Variants in APLF observed in about 807,000 individuals in gnomAD.
APLF encodes aprataxin and PNK-like factor.
In APLF, 61 loss-of-function variants were observed where a neutral mutation model predicts 55.6. The observed-to-expected ratio is 1.10, with a 90% confidence interval of 0.89 to 1.36. APLF has a LOEUF of 1.36. Among genes scored for constraint, APLF ranks in the 40% most tolerant of loss-of-function variants. The pLI, the probability that APLF is intolerant of heterozygous loss-of-function variation, is 0.00. For synonymous variants in APLF, 207 were observed against 214.8 expected (o/e 0.96, Z 0.32); for missense variants, 611 against 602.5 (o/e 1.01, Z -0.15).
At position 68,478,711 on chromosome 2, in the gene APLF, C is replaced by T. The variant is rs192903091; in HGVS notation, c.96+10884C>T. 9.0e-4 allele frequency among the ~76,000 whole-genome samples: 136 copies of T among 151,884 alleles called. 1 individual carries two copies. The East Asian group carries it at 0.02, about 23-fold the overall frequency. ...AGGTTTTTTAATGTAGATCAAAGTG[C>T]CCTACTCTGGAAAAAAAAAATGCCA... is the stretch of plus-strand genomic sequence containing the variant. On this transcript the variant is annotated intron_variant, in intron 1 of 9. Coordinates refer to ENST00000303795, the MANE Select transcript of APLF (RefSeq NM_173545.3).
intron 8 of APLF, among the ~76,000 whole-genome samples, chr2:68,555,836 G>T (rs1209842683): frequency 6.6e-6 from 1 of 152,172 alleles, no homozygotes; most frequent in Non-Finnish European, 1.5e-5. Context: ...ATTTGATCCA[G>T]CAATCCCACT....
chr2:68,516,450 T>G (rs527453865), intron 5 of APLF, among the ~76,000 whole-genome samples: 1 of 151,384 alleles, frequency 6.6e-6, no homozygotes, highest in Non-Finnish European at 1.5e-5. Context: ...ATATATTTTT[T>G]ATTTCAACAG....
In APLF at chr2:68,563,345, A is replaced by G. The variant is rs576056427; in HGVS notation, c.1287-3996A>G. ...TTCCTTTTTGGAATAATTAAATGTA[A>G]CACTTCTTTCATAGTTATTTGCTCA... On this transcript the variant is annotated intron_variant, in intron 8 of 9. Transcript: ENST00000303795. 135 of 983,440 alleles carry G rather than the reference A, an allele frequency of 1.4e-4. 1 individual carries two copies. The African/African-American group carries it at 2.3e-3, about 17-fold the overall frequency. The allele number at this position is 983,440 out of a possible 1,614,324, so 60.9% of individuals were successfully genotyped here.
intron 6 of APLF, chr2:68,531,560 C>T (rs1210475054): frequency 1.3e-5 from 2 of 152,210 alleles, no homozygotes; most frequent in Non-Finnish European, 1.5e-5. Flanking sequence ...CTTTGCTTTA[C>T]TTATGGAGGC....
At chr2:68,483,552 C>T (rs766850028) in intron 1 of APLF, among the ~76,000 whole-genome samples, 26 of 152,228 alleles carry the variant, frequency 1.7e-4, no homozygotes, top group Admixed American at 9.8e-4. Flanking sequence ...GGCAAAGGCA[C>T]GCATTGGGCA....
chr2:68,544,125 A>T (rs1015916815), intron 7 of APLF, among the ~76,000 whole-genome samples: 1 of 151,568 alleles, frequency 6.6e-6, no homozygotes, highest in African/African-American at 2.4e-5. Context: ...GGGATTGCAG[A>T]TGTGCGCCAC....
chr2:68,481,951 A>G (rs1387848752), intron 1 of APLF, among the ~76,000 whole-genome samples: 1 of 151,532 alleles, frequency 6.6e-6, no homozygotes, highest in Non-Finnish European at 1.5e-5. Flanking sequence ...GTTATTTTTT[A>G]TGATGTTTCT....
chr2:68,495,798 C>T (rs1676527279), intron 2 of APLF, among the ~76,000 whole-genome samples: 1 of 152,270 alleles, frequency 6.6e-6, no homozygotes, highest in East Asian at 1.9e-4. Context: ...CTCTTGCACT[C>T]TGTGTACCCA....
intron 5 of APLF, among the ~76,000 whole-genome samples, chr2:68,517,789 A>C (rs960938181): frequency 1.4e-5 from 2 of 144,608 alleles, no homozygotes; most frequent in Non-Finnish European, 3.0e-5. Context: ...CACTAATATA[A>C]TGTTAATATA....
intron 8 of APLF, among the ~76,000 whole-genome samples, chr2:68,546,588 A>C (rs1292724043): frequency 6.6e-6 from 1 of 151,930 alleles, no homozygotes; most frequent in Non-Finnish European, 1.5e-5. Flanking sequence ...GGGTCTATCT[A>C]AGGAATGCAT....
At position 68,578,110 on chromosome 2, in the gene APLF, G is replaced by C. The variant is rs1486014442; in HGVS notation, c.*88G>C. 6.8e-7 allele frequency: 1 copy of C among 1,476,712 alleles called. No individual in the cohort carries two copies. The highest frequency in any genetic ancestry group is 8.9e-7 in the Non-Finnish European group (1 of 1,118,418). The allele number at this position is 1,476,712 out of a possible 1,614,324, so 91.5% of individuals were successfully genotyped here. Reference sequence around the variant, plus strand: ...GAACTAAGGAGGTACTTAAGTGACAGTTATTTTCCTTCTTTTGATAGTTAA... The same window carrying C: ...GAACTAAGGAGGTACTTAAGTGACACTTATTTTCCTTCTTTTGATAGTTAA... On this transcript the variant is annotated 3_prime_UTR_variant, in exon 10 of 10. Transcript: ENST00000303795.
intron 8 of APLF, among the ~76,000 whole-genome samples, chr2:68,552,086 G>A (rs981781314): frequency 6.6e-6 from 1 of 152,050 alleles, no homozygotes; most frequent in Non-Finnish European, 1.5e-5. Context: ...GCGATTTTGA[G>A]CTTAGCCTAT....
At position 68,481,752 on chromosome 2, in the gene APLF, C is replaced by T. The variant is rs147096900; in HGVS notation, c.97-8438C>T. On this transcript the variant is annotated intron_variant, in intron 1 of 9. Transcript: ENST00000303795. ...AATTCTCATAATGTGAATATTTGTT[C>T]GCTTAATGTTGTCCCATAAATTCAA... 6.5e-3 allele frequency among the ~76,000 whole-genome samples: 991 copies of T among 152,054 alleles called. 7 individuals are homozygous for T. The highest frequency in any genetic ancestry group is 0.023 in the African/African-American group (942 of 41,486).
chr2:68,559,761 G>A (rs1372126520), intron 8 of APLF, among the ~76,000 whole-genome samples: 4 of 152,016 alleles, frequency 2.6e-5, no homozygotes, highest in Admixed American at 2.6e-4. Context: ...GTAGTTTCCC[G>A]ATATCCCTGT....
chr2:68,470,084 G>C (rs1675571188), intron 1 of APLF, among the ~76,000 whole-genome samples: 1 of 152,154 alleles, frequency 6.6e-6, no homozygotes, highest in African/African-American at 2.4e-5. Flanking sequence ...TTTCATGTGA[G>C]TCATCAGAGA....
chr2:68,538,797 T>G (rs1670474450), intron 7 of APLF, among the ~76,000 whole-genome samples: 1 of 152,186 alleles, frequency 6.6e-6, no homozygotes, highest in South Asian at 2.1e-4. Flanking sequence ...AGGCTATACT[T>G]TCATCCATAG....
chr2:68,532,672 A>G (rs1315418823), intron 6 of APLF, among the ~76,000 whole-genome samples: 1 of 152,106 alleles, frequency 6.6e-6, no homozygotes, highest in African/African-American at 2.4e-5. Flanking sequence ...AATAGTCTAT[A>G]TTTTTCATCA....
At chr2:68,526,322 G>T in intron 6 of APLF, 80 bp downstream of exon 6, 1 of 1,497,688 alleles carries the variant, frequency 6.7e-7, no homozygotes, top group Non-Finnish European at 9.1e-7. Context: ...TATATAAAGA[G>T]AAATCAAAAC....
chr2:68,518,747 T>G lies in APLF; in HGVS notation c.622+5067T>G, dbSNP rs542271472. On this transcript the variant is annotated intron_variant, in intron 5 of 9. Transcript: ENST00000303795. Reference sequence around the variant, plus strand: ...CATTAATATATCATGAATATATCATTAATATATAATAAAATATTAATAATA... The same window carrying G: ...CATTAATATATCATGAATATATCATGAATATATAATAAAATATTAATAATA... Among the ~76,000 whole-genome samples, 552 of 109,062 alleles carry G rather than the reference T, an allele frequency of 5.1e-3. 3 individuals are homozygous for G. Among genetic ancestry groups the G allele is most frequent in the Admixed American group, 0.02 (205 of 10,030 alleles). The allele number at this position is 109,062 out of a possible 152,430, so 71.5% of individuals were successfully genotyped here.
Sources: gnomAD v4.1 joint callset for allele counts (sites outside exome capture counted in the v4.1 genomes callset) on GRCh38, gnomAD v4.1.1 for gene constraint, MANE v1.5 for transcripts, NCBI Gene and HGNC (gene_info 2026-07-23, HGNC 2026-07-21) for gene names.